RTF2: variants seen among roughly 807,000 people sequenced by gnomAD.
The protein encoded by RTF2 is UPF0549 protein C20orf43.
A neutral mutation model predicts 38.0 loss-of-function variants in RTF2; 18 were observed. The ratio of observed to expected loss-of-function variants is 0.47; its 90% CI spans 0.33 to 0.70. The LOEUF is 0.70. RTF2 is among the 30% of genes least tolerant of loss of function. The pLI, the probability that RTF2 is intolerant of heterozygous loss-of-function variation, is 0.02. For missense variants in RTF2, 311 were observed against 379.6 expected (o/e 0.82, Z 1.50); for synonymous variants, 126 against 137.1 (o/e 0.92, Z 0.57).
chr20:56,480,898 C>T (rs916465103), intron 4 of RTF2, among the ~76,000 whole-genome samples: 1 of 152,180 alleles, frequency 6.6e-6, no homozygotes, highest in Non-Finnish European at 1.5e-5. Context: ...TCACTGAGCA[C>T]AGATCACCGT....
chr20:56,484,965 G>C (rs1982715984), intron 5 of RTF2, among the ~76,000 whole-genome samples: 1 of 152,150 alleles, frequency 6.6e-6, no homozygotes, highest in African/African-American at 2.4e-5. Context: ...AAAGCCAGCA[G>C]CTTTCACTGA....
chr20:56,499,846 C>T (rs1156238347), intron 5 of RTF2, among the ~76,000 whole-genome samples: 2 of 152,038 alleles, frequency 1.3e-5, no homozygotes, highest in African/African-American at 4.8e-5. Context: ...AAGCGATTCT[C>T]CTGCCTCAGC....
intron 5 of RTF2, among the ~76,000 whole-genome samples, chr20:56,487,110 T>C (rs987087305): frequency 3.9e-5 from 6 of 152,196 alleles, no homozygotes; most frequent in Non-Finnish European, 8.8e-5. Context: ...CCCATAATAG[T>C]ACCCATCTGT....
intron 4 of RTF2, 148 bp from the exon 5 acceptor site, chr20:56,483,963 C>T: frequency 2.0e-6 from 1 of 512,654 alleles, no homozygotes; most frequent in Non-Finnish European, 3.4e-6. Flanking sequence ...TTTTCCTGCC[C>T]CTTTTCTATG....
chr20:56,510,489 T>C (rs1600831854), intron 5 of RTF2, among the ~76,000 whole-genome samples: 1 of 152,216 alleles, frequency 6.6e-6, no homozygotes, highest in African/African-American at 2.4e-5. Flanking sequence ...TGAAGAGACT[T>C]CCTCAGGCAG....
chr20:56,516,639 T>C, intron 6 of RTF2: 1 of 472,672 alleles, frequency 2.1e-6, no homozygotes, highest in South Asian at 2.9e-5. Flanking sequence ...ATTACTGAAA[T>C]CTGTCAGCCT....
In RTF2 at chr20:56,477,114, G is replaced by C; in HGVS notation, c.388G>C (p.Gly130Arg). The C allele has an allele frequency of 6.2e-7, 1 of 1,613,692 alleles. No homozygotes were observed. ...CCCCGTTGTGGGCCTGGAGATGAAC[G>C]GCCGACACAGGTTAGTGACGGACCT... is the stretch of plus-strand genomic sequence containing the variant. ...ICPVVGLEMNGRHRFCFLRCC... is the reference protein window; with the variant it reads ...ICPVVGLEMNRRHRFCFLRCC... The change falls in exon 4 of 9, where the codon GGC (glycine) becomes CGC (arginine). Residue 130 changes from glycine to arginine, a missense_variant. Physicochemically the swap from Gly to Arg is moderately radical, Grantham distance 125 (BLOSUM62 -2). Coordinates refer to ENST00000357348, the MANE Select transcript of RTF2 (RefSeq NM_016407.5).
intron 5 of RTF2, among the ~76,000 whole-genome samples, chr20:56,512,524 G>A (rs894766463): frequency 2.1e-4 from 32 of 152,162 alleles, no homozygotes; most frequent in African/African-American, 7.5e-4. Context: ...GTGAGTGTGG[G>A]CATGCCTTTG....
intron 5 of RTF2, among the ~76,000 whole-genome samples, chr20:56,498,951 C>G (rs1185714373): frequency 6.6e-6 from 1 of 152,096 alleles, no homozygotes; most frequent in African/African-American, 2.4e-5. Flanking sequence ...TTTAGTTATC[C>G]TTGTGTTCTT....
intron 5 of RTF2, among the ~76,000 whole-genome samples, chr20:56,500,522 C>T: frequency 6.6e-6 from 1 of 152,076 alleles, no homozygotes. Flanking sequence ...AAGAGAGGCC[C>T]CAAGGGTAGC....
intron 1 of RTF2, among the ~76,000 whole-genome samples, chr20:56,471,312 T>C (rs1299322943): frequency 6.6e-6 from 1 of 152,226 alleles, no homozygotes; most frequent in Non-Finnish European, 1.5e-5. Flanking sequence ...CTCACGCCTG[T>C]AATCCCAGCA....
At chr20:56,496,541 C>T (rs978604704) in intron 5 of RTF2, 1 of 1,290,418 alleles carries the variant, frequency 7.7e-7, no homozygotes, top group South Asian at 1.6e-5. Flanking sequence ...GTGTGAGACT[C>T]CGTCTCAAAA....
chr20:56,507,102 C>T (rs1346669402), intron 5 of RTF2, among the ~76,000 whole-genome samples: 3 of 152,080 alleles, frequency 2.0e-5, no homozygotes, highest in African/African-American at 7.2e-5. Context: ...TAATTTCTAC[C>T]GTACAATAGC....
chr20:56,474,621 T>C, intron 2 of RTF2, 57 bp from the exon 3 acceptor site: 1 of 1,099,550 alleles, frequency 9.1e-7, no homozygotes, highest in Non-Finnish European at 1.3e-6. Context: ...TATTCTTCCT[T>C]CTTTGGTTAT....
chr20:56,488,098 C>T (rs1488057731), intron 5 of RTF2, among the ~76,000 whole-genome samples: 4 of 152,256 alleles, frequency 2.6e-5, no homozygotes, highest in South Asian at 2.1e-4. Flanking sequence ...TGGTGGCTCA[C>T]GCCTGTAATC....
rs1985080487 is a variant in RTF2, at chr20:56,516,932, T to G, written c.592-3T>G. On this transcript the variant is annotated splice_polypyrimidine_tract_variant and splice_region_variant and intron_variant, in intron 6 of 8. Coordinates refer to ENST00000357348, the MANE Select transcript of RTF2 (RefSeq NM_016407.5). ...GCCTCCAACATTCTCTATCTTTTTG[T>G]AGAAAACAAAGAAACCCAAGGCAGC... is the stretch of plus-strand genomic sequence containing the variant. 4 of 1,613,612 alleles carry G rather than the reference T, an allele frequency of 2.5e-6. No homozygotes were observed. The highest frequency in any genetic ancestry group is 3.4e-6 in the Non-Finnish European group (4 of 1,179,628).
At chr20:56,506,955 C>T (rs1233512949) in intron 5 of RTF2, among the ~76,000 whole-genome samples, 2 of 152,190 alleles carry the variant, frequency 1.3e-5, no homozygotes, top group Admixed American at 6.5e-5. Context: ...CCGCCTCGGC[C>T]TTCCAAAGTA....
chr20:56,489,163 C>G (rs1433227597), intron 5 of RTF2, among the ~76,000 whole-genome samples: 1 of 151,862 alleles, frequency 6.6e-6, no homozygotes, highest in Non-Finnish European at 1.5e-5. Context: ...TCAAGTGATT[C>G]TCCTGCCTTA....
chr20:56,478,506 T>A (rs1485930459), intron 4 of RTF2, among the ~76,000 whole-genome samples: 1 of 152,136 alleles, frequency 6.6e-6, no homozygotes, highest in African/African-American at 2.4e-5. Context: ...AAGAAAGTTA[T>A]GTTTATACTA....
Sources: gnomAD v4.1 joint callset for allele counts (sites outside exome capture counted in the v4.1 genomes callset) on GRCh38, gnomAD v4.1.1 for gene constraint, MANE v1.5 for transcripts, NCBI Gene and HGNC (gene_info 2026-07-23, HGNC 2026-07-21) for gene names.